Variants in CCDC178 observed in about 807,000 individuals in gnomAD.
CCDC178 encodes the protein coiled-coil domain containing 178.
Under a neutral mutation model 117.4 loss-of-function variants are expected in CCDC178, and 126 were observed. The ratio of observed to expected loss-of-function variants is 1.07; its 90% CI spans 0.93 to 1.24. CCDC178 has a LOEUF of 1.24. Among genes scored for constraint, CCDC178 ranks in the 50% most tolerant of loss-of-function variants. CCDC178 has a pLI of 0.00. For synonymous variants in CCDC178, 283 were observed against 313.4 expected, an observed-to-expected ratio of 0.90 and a Z score of 1.02; for missense variants, 1,030 against 986.9, an observed-to-expected ratio of 1.04 and a Z score of -0.59.
chr18:33,197,155 G>C (rs271528), intron 20 of CCDC178, among the ~76,000 whole-genome samples: 24,502 of 152,068 alleles, frequency 0.16, 2,750 homozygotes, highest in African/African-American at 0.32. Context: ...AACCGCCTGA[G>C]TAGCTGAGAT....
At chr18:32,939,209 C>A (rs568485550) in intron 22 of CCDC178, among the ~76,000 whole-genome samples, 1 of 151,874 alleles carries the variant, frequency 6.6e-6, no homozygotes, top group South Asian at 2.1e-4. Flanking sequence ...TTAATTCCAA[C>A]TGAAATATTT....
At chr18:33,312,982 G>A (rs550494958) in intron 11 of CCDC178, among the ~76,000 whole-genome samples, 1 of 152,306 alleles carries the variant, frequency 6.6e-6, no homozygotes, top group East Asian at 1.9e-4. Context: ...ACCAATGGGA[G>A]TAGCTATATG....
intron 22 of CCDC178, among the ~76,000 whole-genome samples, chr18:32,946,165 C>T (rs545844998): frequency 3.2e-4 from 48 of 152,254 alleles, no homozygotes; most frequent in African/African-American, 1.1e-3. Context: ...CTGTGCTCAT[C>T]AGAGGCCCTC....
intron 6 of CCDC178, among the ~76,000 whole-genome samples, chr18:33,357,805 A>C (rs1049983596): frequency 1.0e-4 from 12 of 119,262 alleles, no homozygotes; most frequent in Non-Finnish European, 1.6e-4. Flanking sequence ...TGAACAAAAA[A>C]ATTATATGAT....
At chr18:33,221,279 AAAGT>A (rs1180785668) in intron 18 of CCDC178, among the ~76,000 whole-genome samples, 1 of 152,136 alleles carries the variant, frequency 6.6e-6, no homozygotes, top group Non-Finnish European at 1.5e-5. Flanking sequence ...TTTTGGCTAA[AAAGT>A]AAGCTGACTC....
At chr18:33,250,784 G>A (rs2059611773) in intron 14 of CCDC178, among the ~76,000 whole-genome samples, 1 of 151,054 alleles carries the variant, frequency 6.6e-6, no homozygotes, top group Admixed American at 6.6e-5. Context: ...AACCCAACAA[G>A]GATCATCAAA....
chr18:33,134,353 C>T (rs925762338), intron 20 of CCDC178, among the ~76,000 whole-genome samples: 4 of 151,832 alleles, frequency 2.6e-5, no homozygotes, highest in East Asian at 1.9e-4. Flanking sequence ...CTGCTTAGAT[C>T]GCAGGCTTAT....
In CCDC178 at chr18:33,061,404, C is replaced by T. The variant is rs530044356; in HGVS notation, c.2388+31357G>A. Among the ~76,000 whole-genome samples, 5 of 152,196 alleles carry T rather than the reference C, an allele frequency of 3.3e-5. No homozygotes were observed. The South Asian group carries it at 1.0e-3, about 32-fold the overall frequency. On this transcript the variant is annotated intron_variant, in intron 21 of 22. Coordinates refer to ENST00000383096, the MANE Select transcript of CCDC178 (RefSeq NM_001105528.4). The stretch of plus-strand genomic sequence containing the variant: ...AATAAAAAATAATACATAAATTTTA[C>T]TCTAAGTTCACCAATAAGCCTAAAT...
chr18:33,250,041 A>C (rs2059601058), intron 14 of CCDC178, among the ~76,000 whole-genome samples: 1 of 151,868 alleles, frequency 6.6e-6, no homozygotes. Context: ...TTGTGAAGGG[A>C]GTTCCCTCAT....
At chr18:33,335,732 GCTTTT>G (rs1397007619) in intron 9 of CCDC178, among the ~76,000 whole-genome samples, 1 of 151,634 alleles carries the variant, frequency 6.6e-6, no homozygotes, top group Non-Finnish European at 1.5e-5. Context: ...TCTTGTCCTT[GCTTTT>G]ATTTTTAAAC....
intron 21 of CCDC178, among the ~76,000 whole-genome samples, chr18:32,987,872 T>C (rs2055295717): frequency 6.6e-6 from 1 of 151,554 alleles, no homozygotes; most frequent in Non-Finnish European, 1.5e-5. Flanking sequence ...CCGAGGCAGG[T>C]GGATCGCCTG....
At chr18:33,096,185 C>T (rs1001437030) in intron 20 of CCDC178, among the ~76,000 whole-genome samples, 1 of 150,860 alleles carries the variant, frequency 6.6e-6, no homozygotes, top group African/African-American at 2.4e-5. Flanking sequence ...CAATTTTCTC[C>T]ACTTTCAGTT....
rs2063354973 is a variant in CCDC178, at chr18:33,375,672, A to G, written c.209-5483T>C. On this transcript the variant is annotated intron_variant, in intron 5 of 22. Transcript: ENST00000383096. ...TTTGTATGATCAGACATAGAGCTGG[A>G]AGGGATAAAGGAGGCATCCATGGGA... Among the ~76,000 whole-genome samples, 3 of 152,210 alleles carry G rather than the reference A, an allele frequency of 2.0e-5. No individual in the cohort carries two copies. In the South Asian group the frequency reaches 6.2e-4, roughly 32 times the overall value.
At chr18:33,315,616 T>C (rs529086183) in intron 11 of CCDC178, among the ~76,000 whole-genome samples, 1 of 152,266 alleles carries the variant, frequency 6.6e-6, no homozygotes, top group African/African-American at 2.4e-5. Flanking sequence ...TAAGACTAGC[T>C]AGGGAAAAAA....
chr18:33,204,086 A>G (rs1317922362), intron 20 of CCDC178, among the ~76,000 whole-genome samples: 2 of 152,188 alleles, frequency 1.3e-5, no homozygotes, highest in African/African-American at 4.8e-5. Flanking sequence ...TTAATTATAT[A>G]GAAAACAGAA....
At chr18:33,351,148 A>ATGTGTGTGTGTGTGTGTGTG (rs143702049) in intron 7 of CCDC178, among the ~76,000 whole-genome samples, 26 of 138,084 alleles carry the variant, frequency 1.9e-4, no homozygotes, top group African/African-American at 6.7e-4. Flanking sequence ...ACTGATCATG[A>ATGTGTGTGTGTGTGTGTGTG]TGTGTGTGTG....
chr18:33,146,668 A>G (rs1432908390), intron 20 of CCDC178, among the ~76,000 whole-genome samples: 1 of 152,116 alleles, frequency 6.6e-6, no homozygotes, highest in Admixed American at 6.5e-5. Context: ...CAATCAATAA[A>G]CTATCGTTAA....
intron 20 of CCDC178, among the ~76,000 whole-genome samples, chr18:33,109,505 T>C (rs2057752606): frequency 6.6e-6 from 1 of 151,644 alleles, no homozygotes. Flanking sequence ...TTTTAAAAAC[T>C]TTATTCTTAA....
At chr18:33,331,245 GA>G (rs1775283080) in intron 10 of CCDC178, among the ~76,000 whole-genome samples, 1 of 151,724 alleles carries the variant, frequency 6.6e-6, no homozygotes, top group African/African-American at 2.4e-5. Flanking sequence ...ACTAAATTGT[GA>G]GTTATACCAG....
Sources: allele counts gnomAD v4.1 joint callset (sites outside exome capture counted in the v4.1 genomes callset), GRCh38; gene constraint gnomAD v4.1.1; transcripts MANE v1.5; gene names NCBI Gene and HGNC (gene_info 2026-07-23, HGNC 2026-07-21).